Variants in DLGAP1 observed in about 807,000 individuals in gnomAD.
The protein encoded by DLGAP1 is DLG associated protein 1.
DLGAP1 carries 11 observed loss-of-function variants against 90.8 expected under a neutral mutation model. The ratio of observed to expected loss-of-function variants is 0.12; its 90% CI spans 0.08 to 0.20. The LOEUF (loss-of-function observed/expected upper bound fraction) is 0.20. Ranked by LOEUF, DLGAP1 falls within the 10% of genes least tolerant of loss-of-function variation. The pLI is 1.00. For missense variants in DLGAP1, 1,050 were observed against 1,333.8 expected, an observed-to-expected ratio of 0.79 and a Z score of 3.31; for synonymous variants, 558 against 540.7, an observed-to-expected ratio of 1.03 and a Z score of -0.44.
chr18:3,702,325 G>A (rs1386668730), intron 7 of DLGAP1, among the ~76,000 whole-genome samples: 2 of 152,210 alleles, frequency 1.3e-5, no homozygotes, highest in Non-Finnish European at 2.9e-5. Context: ...CGCTCCTGAC[G>A]TCTACCTTGA....
At chr18:4,195,520 G>A (rs763937955) in intron 1 of DLGAP1, among the ~76,000 whole-genome samples, 1 of 152,016 alleles carries the variant, frequency 6.6e-6, no homozygotes, top group African/African-American at 2.4e-5. Flanking sequence ...ACTATCGGGT[G>A]TTATTGTTTT....
In DLGAP1 at chr18:3,971,453, T is replaced by C. The variant is rs558324905; in HGVS notation, c.-73+33663A>G. ...AATGTATGCTAACATATATATGACATAATATCACATATGTGTGCATGTATA... is the reference window on the plus strand; with the variant it reads ...AATGTATGCTAACATATATATGACACAATATCACATATGTGTGCATGTATA... On this transcript the variant is annotated intron_variant, in intron 3 of 12. Transcript: ENST00000315677. 1.8e-3 allele frequency among the ~76,000 whole-genome samples: 274 copies of C among 151,342 alleles called. 1 individual carries two copies. The Middle Eastern group carries it at 0.024, about 13-fold the overall frequency.
At chr18:3,531,576 C>T (rs1055745377) in intron 10 of DLGAP1, among the ~76,000 whole-genome samples, 4 of 152,068 alleles carry the variant, frequency 2.6e-5, no homozygotes, top group Non-Finnish European at 4.4e-5. Context: ...CTCAATCTCA[C>T]GGGTTCAAGC....
At chr18:3,821,288 C>CAA (rs56279066) in intron 4 of DLGAP1, among the ~76,000 whole-genome samples, 1,652 of 72,556 alleles carry the variant, frequency 0.023, 72 homozygotes, top group East Asian at 0.056. Context: ...GACTCTGTGT[C>CAA]AAAAAAAAAA....
At chr18:3,654,943 G>A (rs2059429713) in intron 7 of DLGAP1, 1 of 152,158 alleles carries the variant, frequency 6.6e-6, no homozygotes, top group Non-Finnish European at 1.5e-5. Flanking sequence ...TTTGTAAAAT[G>A]TAATGGTACT....
intron 5 of DLGAP1, among the ~76,000 whole-genome samples, chr18:3,761,783 C>G (rs2063977972): frequency 6.6e-6 from 1 of 152,122 alleles, no homozygotes; most frequent in Admixed American, 6.5e-5. Context: ...ACCATGTTGG[C>G]TAGGCTGGTC....
chr18:3,674,533 T>C (rs1259179694), intron 7 of DLGAP1, among the ~76,000 whole-genome samples: 2 of 151,848 alleles, frequency 1.3e-5, no homozygotes, highest in Non-Finnish European at 2.9e-5. Flanking sequence ...GGTGGGAGGA[T>C]CACTTGAGCC....
chr18:3,931,706 T>C (rs1210268120), intron 3 of DLGAP1, among the ~76,000 whole-genome samples: 1 of 152,180 alleles, frequency 6.6e-6, no homozygotes, highest in Non-Finnish European at 1.5e-5. Context: ...ACATCCTCCT[T>C]CTTGTAAACC....
chr18:3,862,523 T>C (rs1599037969), intron 4 of DLGAP1, among the ~76,000 whole-genome samples: 1 of 146,986 alleles, frequency 6.8e-6, no homozygotes, highest in African/African-American at 2.5e-5. Context: ...GTGAGGGAGG[T>C]ACAAAACGCA....
rs1025800863 is a variant in DLGAP1 at position 3,824,880 on chromosome 18, G to A, written c.958-10607C>T. ...CCATCCATTCTAATGCAATGAAACCGTCAAACCACATGCATCTAGTTCTTG... is the reference window on the plus strand; with the variant it reads ...CCATCCATTCTAATGCAATGAAACCATCAAACCACATGCATCTAGTTCTTG... On this transcript the variant is annotated intron_variant, in intron 4 of 12. Transcript: ENST00000315677. 5.3e-5 allele frequency among the ~76,000 whole-genome samples: 8 copies of A among 152,268 alleles called. No individual in the cohort carries two copies. In the South Asian group the frequency reaches 8.3e-4, roughly 16 times the overall value.
At chr18:3,928,867 T>A (rs1048439575) in intron 3 of DLGAP1, among the ~76,000 whole-genome samples, 1 of 152,196 alleles carries the variant, frequency 6.6e-6, no homozygotes, top group African/African-American at 2.4e-5. Context: ...AACTGTGATC[T>A]CGAGCGTTAG....
intron 7 of DLGAP1, among the ~76,000 whole-genome samples, chr18:3,693,289 T>G (rs893313635): frequency 4.6e-5 from 7 of 152,096 alleles, no homozygotes; most frequent in Non-Finnish European, 7.4e-5. Flanking sequence ...GGTCTCCCTA[T>G]GTTGCTCAGG....
intron 1 of DLGAP1, among the ~76,000 whole-genome samples, chr18:4,257,700 C>T (rs940237185): frequency 1.6e-4 from 24 of 148,594 alleles, no homozygotes; most frequent in African/African-American, 5.4e-4. Flanking sequence ...TCTTGGCTCA[C>T]TGCAACCTCC....
chr18:3,613,002 G>A (rs2057703794), intron 7 of DLGAP1, among the ~76,000 whole-genome samples: 2 of 151,990 alleles, frequency 1.3e-5, no homozygotes, highest in Admixed American at 6.6e-5. Flanking sequence ...CACCATGCCC[G>A]GCTAATTTTT....
rs1224630769 is a variant in DLGAP1 at position 3,741,309 on chromosome 18, TCAC to T, written c.1350+1023_1350+1025del. Among the ~76,000 whole-genome samples the T allele has an allele frequency of 4.7e-3, 224 of 47,190 alleles. 1 individual carries two copies. The highest frequency in any genetic ancestry group is 0.018 in the African/African-American group (189 of 10,386). 31.0% of individuals were successfully genotyped at this position (47,190 alleles called of 152,430 possible). Reference sequence around the variant, plus strand: ...CCACCACCACCACCACCACATCACATCACCACCACCACCACCACCATCACCACC... The same window carrying T: ...CCACCACCACCACCACCACATCACATCACCACCACCACCACCATCACCACC... On this transcript the variant is annotated intron_variant, in intron 6 of 12. Coordinates refer to ENST00000315677, the MANE Select transcript of DLGAP1 (RefSeq NM_004746.4).
At chr18:4,065,920 C>T (rs1277389429) in intron 2 of DLGAP1, among the ~76,000 whole-genome samples, 3 of 151,560 alleles carry the variant, frequency 2.0e-5, no homozygotes, top group Admixed American at 2.0e-4. Flanking sequence ...TCAAACTATA[C>T]TACAAAGCTA....
intron 2 of DLGAP1, among the ~76,000 whole-genome samples, chr18:4,133,877 G>T (rs2076356569): frequency 6.6e-6 from 1 of 152,022 alleles, no homozygotes; most frequent in East Asian, 1.9e-4. Context: ...TAGGAAGGCA[G>T]GGATTTAAAA....
chr18:3,499,573 GA>G lies in DLGAP1; in HGVS notation c.2725-180del, dbSNP rs111687370. Among the ~76,000 whole-genome samples the G allele has an allele frequency of 0.2, 30,171 of 148,650 alleles. 3,352 individuals carry two copies. The highest frequency in any genetic ancestry group is 0.31 in the African/African-American group (12,529 of 40,756). ...CTGGCTTGGGCATTCAAAAGATGCA[GA>G]AAAAAAAAAATCCCGGTAAGCTTAA... On this transcript the variant is annotated intron_variant, in intron 12 of 12. Coordinates refer to ENST00000315677, the MANE Select transcript of DLGAP1 (RefSeq NM_004746.4). The surrounding 1 kb of genome is among the most constrained non-coding windows in gnomAD (Gnocchi z 6.4).
At chr18:3,680,847 T>C (rs1232129918) in intron 7 of DLGAP1, among the ~76,000 whole-genome samples, 4 of 151,668 alleles carry the variant, frequency 2.6e-5, no homozygotes, top group African/African-American at 9.7e-5. Flanking sequence ...ATGGTAGTGT[T>C]TTTCACAAAC....
Sources: gnomAD v4.1 joint callset for allele counts (sites outside exome capture counted in the v4.1 genomes callset) on GRCh38, gnomAD v4.1.1 for gene constraint, Gnocchi (gnomAD v3.1) non-coding constraint, MANE v1.5 for transcripts, NCBI Gene and HGNC (gene_info 2026-07-23, HGNC 2026-07-21) for gene names.